The following CNTNAP2 variants were observed in gnomAD, a reference collection of about 807,000 sequenced individuals.
The protein encoded by CNTNAP2 is contactin associated protein 2.
Under a neutral mutation model 155.2 loss-of-function variants are expected in CNTNAP2, and 98 were observed. The observed-to-expected ratio is 0.63, with a 90% confidence interval of 0.54 to 0.75. The LOEUF is 0.75. Ranked by LOEUF, CNTNAP2 falls within the 30% of genes least tolerant of loss-of-function variation. CNTNAP2 has a pLI of 0.00. For synonymous variants in CNTNAP2, 651 were observed against 631.2 expected (o/e 1.03, Z -0.47); for missense variants, 1,727 against 1,688.1 (o/e 1.02, Z -0.40).
At chr7:146,424,423 TC>T (rs1279708153) in intron 1 of CNTNAP2, among the ~76,000 whole-genome samples, 1 of 152,124 alleles carries the variant, frequency 6.6e-6, no homozygotes, top group African/African-American at 2.4e-5. Context: ...CACACTTAAT[TC>T]CTCCAGCAAT....
At chr7:146,379,611 CA>C (rs1345159937) in intron 1 of CNTNAP2, among the ~76,000 whole-genome samples, 1 of 152,110 alleles carries the variant, frequency 6.6e-6, no homozygotes, top group Non-Finnish European at 1.5e-5. Flanking sequence ...ATGGGGCTTC[CA>C]TTGTTCACTC....
At chr7:147,468,843 T>TCTTC (rs71183006) in intron 10 of CNTNAP2, among the ~76,000 whole-genome samples, 28,097 of 144,932 alleles carry the variant, frequency 0.19, 3,215 homozygotes, top group African/African-American at 0.32. Context: ...TTCTTCTTCT[T>TCTTC]TTTTTTTTTT....
At chr7:146,891,847 C>T (rs1795784441) in intron 3 of CNTNAP2, among the ~76,000 whole-genome samples, 1 of 152,100 alleles carries the variant, frequency 6.6e-6, no homozygotes, top group Non-Finnish European at 1.5e-5. Context: ...AAATGGTATC[C>T]ATTTTTTTAT....
At chr7:147,299,492 G>C (rs1794901997) in intron 8 of CNTNAP2, among the ~76,000 whole-genome samples, 1 of 151,272 alleles carries the variant, frequency 6.6e-6, no homozygotes, top group African/African-American at 2.4e-5. Flanking sequence ...TAAATGTTCA[G>C]ATAATCCTAT....
intron 9 of CNTNAP2, among the ~76,000 whole-genome samples, chr7:147,327,978 A>C (rs1231214771): frequency 6.6e-6 from 1 of 152,204 alleles, no homozygotes; most frequent in Non-Finnish European, 1.5e-5. Flanking sequence ...GTGTAAAAAA[A>C]AAATCACATA....
rs1491044266 is a variant in CNTNAP2 at position 146,638,497 on chromosome 7, TTC to T, written c.98-135772_98-135771del. ...GTTTCTTTTTTTTTTTTTTTTTTTTTTCTTTGAGATGGAGTCTCACTCTGTTG... is the reference window on the plus strand; with the variant it reads ...GTTTCTTTTTTTTTTTTTTTTTTTTTTTTGAGATGGAGTCTCACTCTGTTG... On this transcript the variant is annotated intron_variant, in intron 1 of 23. Coordinates refer to ENST00000361727, the MANE Select transcript of CNTNAP2 (RefSeq NM_014141.6). Among the ~76,000 whole-genome samples the T allele has an allele frequency of 5.4e-3, 629 of 115,510 alleles. 47 individuals are homozygous for T. Among genetic ancestry groups the T allele is most frequent in the African/African-American group, 0.022 (556 of 25,698 alleles). 75.8% of individuals were successfully genotyped at this position (115,510 alleles called of 152,430 possible).
chr7:146,998,034 T>A (rs1798345456), intron 3 of CNTNAP2, among the ~76,000 whole-genome samples: 2 of 152,014 alleles, frequency 1.3e-5, no homozygotes, highest in Admixed American at 6.6e-5. Flanking sequence ...AGTCTGTATT[T>A]TATTTATTTT....
chr7:147,683,947 T>A (rs1045567679), intron 13 of CNTNAP2, among the ~76,000 whole-genome samples: 1 of 151,770 alleles, frequency 6.6e-6, no homozygotes, highest in African/African-American at 2.4e-5. Context: ...ATTTAAAACC[T>A]ACTTTTTCAT....
At chr7:147,804,832 G>A (rs1444989803) in intron 13 of CNTNAP2, among the ~76,000 whole-genome samples, 1 of 152,078 alleles carries the variant, frequency 6.6e-6, no homozygotes, top group African/African-American at 2.4e-5. Flanking sequence ...GGGATTACAG[G>A]CATGAGCCAC....
intron 3 of CNTNAP2, among the ~76,000 whole-genome samples, chr7:146,927,789 A>C (rs919504038): frequency 7.2e-5 from 11 of 151,746 alleles, no homozygotes; most frequent in Non-Finnish European, 1.5e-4. Flanking sequence ...GTGTGTGTGT[A>C]TGTATACATG....
At chr7:147,217,482 T>G (rs1803300745) in intron 8 of CNTNAP2, among the ~76,000 whole-genome samples, 1 of 152,074 alleles carries the variant, frequency 6.6e-6, no homozygotes, top group South Asian at 2.1e-4. Flanking sequence ...TGAACCAGTC[T>G]TGTATACCTG....
intron 15 of CNTNAP2, among the ~76,000 whole-genome samples, chr7:148,019,263 C>T (rs1802235570): frequency 6.6e-6 from 1 of 152,180 alleles, no homozygotes; most frequent in Non-Finnish European, 1.5e-5. Flanking sequence ...GAGGGGACCT[C>T]CTAGCATCAG....
chr7:147,684,562 C>T (rs542318195), intron 13 of CNTNAP2, among the ~76,000 whole-genome samples: 131 of 151,864 alleles, frequency 8.6e-4, no homozygotes, highest in African/African-American at 2.6e-3. Context: ...TGTAAAATTA[C>T]GCTATTTATT....
chr7:147,486,424 G>A (rs142452825), intron 11 of CNTNAP2, among the ~76,000 whole-genome samples: 1 of 152,200 alleles, frequency 6.6e-6, no homozygotes, highest in East Asian at 1.9e-4. Context: ...ATCCGAGAGG[G>A]AGACACAGGG....
Position 147,923,210 on chromosome 7 carries a change from A to G in CNTNAP2, c.2255+19489A>G, listed in dbSNP as rs561326666. Among the ~76,000 whole-genome samples, 4 of 152,324 alleles carry G rather than the reference A, an allele frequency of 2.6e-5. 1 individual carries two copies. Among genetic ancestry groups the G allele is most frequent in the African/African-American group, 4.8e-5 (2 of 41,566 alleles). On this transcript the variant is annotated intron_variant, in intron 14 of 23. Transcript: ENST00000361727. ...ACAAAAGATATATTGTGAACGTGAC[A>G]TGTTTTTGACATAGAGTCTTTACAG...
At chr7:146,952,431 C>T (rs527273910) in intron 3 of CNTNAP2, among the ~76,000 whole-genome samples, 3 of 152,066 alleles carry the variant, frequency 2.0e-5, no homozygotes, top group Non-Finnish European at 2.9e-5. Context: ...CTGGCCAGGG[C>T]AATCAGGCAA....
intron 1 of CNTNAP2, among the ~76,000 whole-genome samples, chr7:146,144,112 C>T (rs1161406090): frequency 6.6e-6 from 1 of 152,116 alleles, no homozygotes; most frequent in African/African-American, 2.4e-5. Flanking sequence ...ACTTTCCCCA[C>T]ACACAAGCTT....
At chr7:146,463,794 T>A (rs183659571) in intron 1 of CNTNAP2, among the ~76,000 whole-genome samples, 1 of 151,998 alleles carries the variant, frequency 6.6e-6, no homozygotes, top group Non-Finnish European at 1.5e-5. Context: ...TCTAATATAG[T>A]GTTAACAAGT....
chr7:148,088,517 T>C (rs1464051646), intron 15 of CNTNAP2, among the ~76,000 whole-genome samples: 1 of 151,582 alleles, frequency 6.6e-6, no homozygotes, highest in African/African-American at 2.4e-5. Context: ...ATCCAAAGGA[T>C]CACAAGAAAC....
Sources: gnomAD v4.1 joint callset for allele counts (sites outside exome capture counted in the v4.1 genomes callset) on GRCh38, gnomAD v4.1.1 for gene constraint, MANE v1.5 for transcripts, NCBI Gene and HGNC (gene_info 2026-07-23, HGNC 2026-07-21) for gene names.